STXBP5: variants seen among roughly 807,000 people sequenced by gnomAD.
STXBP5 encodes syntaxin binding protein 5, also known as syntaxin-binding protein 5.
STXBP5 carries 50 observed loss-of-function variants against 152.4 expected under a neutral mutation model. That is an observed-to-expected ratio of 0.33 (90% CI 0.26 to 0.42). The LOEUF (loss-of-function observed/expected upper bound fraction) is 0.42. Ranked by LOEUF, STXBP5 falls within the 10% of genes least tolerant of loss-of-function variation. The pLI, the probability that STXBP5 is intolerant of heterozygous loss-of-function variation, is 1.00. For missense variants in STXBP5, 1,167 were observed against 1,388.6 expected, an observed-to-expected ratio of 0.84 and a Z score of 2.54; for synonymous variants, 492 against 494.7, an observed-to-expected ratio of 0.99 and a Z score of 0.07.
chr6:147,362,776 A>C (rs1785121735), intron 23 of STXBP5, among the ~76,000 whole-genome samples: 1 of 152,334 alleles, frequency 6.6e-6, no homozygotes, highest in Admixed American at 6.5e-5. Context: ...TGTCCCAAAT[A>C]TTATCATTTT....
intron 26 of STXBP5, 118 bp from the exon 27 acceptor site, chr6:147,382,660 A>G: frequency 1.0e-6 from 1 of 1,003,878 alleles, no homozygotes; most frequent in Non-Finnish European, 1.5e-6. Flanking sequence ...TTCACTTTAT[A>G]ATTTTATTTC....
Position 147,388,396 on chromosome 6 carries a change from T to C in STXBP5, c.*3641T>C, listed in dbSNP as rs973580641. On this transcript the variant is annotated 3_prime_UTR_variant, in exon 28 of 28. Transcript: ENST00000321680. ...CACTTTCAGATTTGTTTTAAGATCA[T>C]ACAGTAACATGTTATATTTATACAT... 1.3e-5 allele frequency: 2 copies of C among 151,706 alleles called. No homozygotes were observed. The highest frequency in any genetic ancestry group is 1.3e-4 in the Admixed American group (2 of 15,190). The allele number at this position is 151,706 out of a possible 1,614,324, so 9.4% of individuals were successfully genotyped here. A position where few individuals can be genotyped will look rare whatever the true frequency, so the allele number is the denominator to read the frequency against.
intron 2 of STXBP5, among the ~76,000 whole-genome samples, chr6:147,231,200 T>C (rs1264034820): frequency 6.6e-6 from 1 of 151,944 alleles, no homozygotes; most frequent in East Asian, 1.9e-4. Flanking sequence ...ATGTTTTTTT[T>C]TCCTGTGATT....
intron 19 of STXBP5, 21 bp from the exon 20 acceptor site, chr6:147,339,158 C>A (rs1357723721): frequency 1.3e-6 from 2 of 1,528,870 alleles, no homozygotes; most frequent in African/African-American, 1.4e-5. Flanking sequence ...CCTATTCCTT[C>A]CGTTGTCTTC....
At chr6:147,232,003 T>C (rs1471653044) in intron 2 of STXBP5, among the ~76,000 whole-genome samples, 1 of 151,908 alleles carries the variant, frequency 6.6e-6, no homozygotes, top group Non-Finnish European at 1.5e-5. Context: ...ACATAGTGAA[T>C]AATACATTGT....
At chr6:147,326,711 T>C (rs1455417725) in intron 17 of STXBP5, among the ~76,000 whole-genome samples, 2 of 152,194 alleles carry the variant, frequency 1.3e-5, no homozygotes, top group African/African-American at 4.8e-5. Context: ...CTTTTTATTC[T>C]TGACTTGAAT....
intron 2 of STXBP5, among the ~76,000 whole-genome samples, chr6:147,233,097 T>C (rs763574298): frequency 6.6e-6 from 1 of 151,624 alleles, no homozygotes; most frequent in Non-Finnish European, 1.5e-5. Context: ...TCTTATCAGG[T>C]AGATCACCTT....
At chr6:147,301,593 A>T (rs1371228898) in intron 9 of STXBP5, among the ~76,000 whole-genome samples, 2 of 152,138 alleles carry the variant, frequency 1.3e-5, no homozygotes, top group South Asian at 2.1e-4. Context: ...TCATTCTACA[A>T]CCCAGCCCAG....
At chr6:147,260,523 C>A (rs1288089799) in intron 4 of STXBP5, 92 bp from the exon 5 acceptor site, 1 of 1,449,598 alleles carries the variant, frequency 6.9e-7, no homozygotes, top group African/African-American at 1.4e-5. Context: ...TTTTGCTGTT[C>A]CTGAATTATA....
intron 9 of STXBP5, among the ~76,000 whole-genome samples, chr6:147,291,691 A>T (rs1021991076): frequency 2.6e-5 from 4 of 152,136 alleles, no homozygotes; most frequent in African/African-American, 4.8e-5. Context: ...TAGATTGCTT[A>T]AACATTTATA....
At chr6:147,267,654 A>G (rs1360346434) in intron 7 of STXBP5, among the ~76,000 whole-genome samples, 2 of 151,912 alleles carry the variant, frequency 1.3e-5, no homozygotes, top group Non-Finnish European at 2.9e-5. Flanking sequence ...TTCTGGCTGC[A>G]TCCCCATTGT....
In STXBP5 at chr6:147,266,945, T is replaced by G. The variant is rs908059881; in HGVS notation, c.631-139T>G. 3 of 696,078 alleles carry G rather than the reference T, an allele frequency of 4.3e-6. No homozygotes were observed. In the African/African-American group the frequency reaches 5.5e-5, roughly 13 times the overall value. The allele number at this position is 696,078 out of a possible 1,614,324, so 43.1% of individuals were successfully genotyped here. A position where few individuals can be genotyped will look rare whatever the true frequency, so the allele number is the denominator to read the frequency against. ...CATTTGTCATTTACGTGATTACTAA[T>G]TAGCAATGCAGATGTTTGTTTATAT... On this transcript the variant is annotated intron_variant, in intron 6 of 27. Coordinates refer to ENST00000321680, the MANE Select transcript of STXBP5 (RefSeq NM_001127715.4).
chr6:147,341,197 C>CT (rs762948029), intron 21 of STXBP5, among the ~76,000 whole-genome samples: 2 of 152,020 alleles, frequency 1.3e-5, no homozygotes, highest in Non-Finnish European at 2.9e-5. Context: ...ATTTGAAAAA[C>CT]TAACACATTA....
At chr6:147,357,042 G>A (rs981559865) in intron 22 of STXBP5, among the ~76,000 whole-genome samples, 2 of 152,060 alleles carry the variant, frequency 1.3e-5, no homozygotes, top group Non-Finnish European at 2.9e-5. Context: ...AATTCCAAAG[G>A]ATATCAAAAC....
At chr6:147,308,220 G>A (rs1332283458) in intron 9 of STXBP5, among the ~76,000 whole-genome samples, 1 of 152,064 alleles carries the variant, frequency 6.6e-6, no homozygotes, top group Non-Finnish European at 1.5e-5. Flanking sequence ...CTGTTTATTC[G>A]TTATATGTGA....
chr6:147,368,645 A>G (rs930884298), intron 25 of STXBP5, among the ~76,000 whole-genome samples: 4 of 152,168 alleles, frequency 2.6e-5, no homozygotes, highest in African/African-American at 7.2e-5. Flanking sequence ...AGGAAAAGAA[A>G]AGGAAAGCGG....
intron 9 of STXBP5, among the ~76,000 whole-genome samples, chr6:147,304,280 T>TG (rs1029385047): frequency 2.6e-5 from 4 of 152,054 alleles, no homozygotes; most frequent in Non-Finnish European, 5.9e-5. Flanking sequence ...CTAAAAGGGG[T>TG]CAACATAGAG....
At chr6:147,345,643 T>C (rs1784292173) in intron 21 of STXBP5, among the ~76,000 whole-genome samples, 2 of 152,194 alleles carry the variant, frequency 1.3e-5, no homozygotes, top group Admixed American at 1.3e-4. Flanking sequence ...TTTTTACCTT[T>C]TACCTTTACG....
In STXBP5 at chr6:147,353,412, T is replaced by A. The variant is rs555608304; in HGVS notation, c.2305+39T>A. 39 of 1,375,478 alleles carry A rather than the reference T, an allele frequency of 2.8e-5. 1 individual carries two copies. In the Admixed American group the frequency reaches 6.8e-4, roughly 24 times the overall value. The allele number at this position is 1,375,478 out of a possible 1,614,324, so 85.2% of individuals were successfully genotyped here. A position where few individuals can be genotyped will look rare whatever the true frequency, so the allele number is the denominator to read the frequency against. On this transcript the variant is annotated intron_variant, in intron 22 of 27. Coordinates refer to ENST00000321680, the MANE Select transcript of STXBP5 (RefSeq NM_001127715.4). ...ATATTCAAAATAATTTAACTCCCTA[T>A]AATGGGAAGACAAGGAAATCAGAAA...
Sources: allele counts gnomAD v4.1 joint callset (sites outside exome capture counted in the v4.1 genomes callset), GRCh38; gene constraint gnomAD v4.1.1; transcripts MANE v1.5; gene names NCBI Gene and HGNC (gene_info 2026-07-23, HGNC 2026-07-21).